Variants in NALCN observed in about 807,000 individuals in gnomAD.
The protein encoded by NALCN is sodium leak channel, non-selective.
Under a neutral mutation model 225.3 loss-of-function variants are expected in NALCN, and 111 were observed. The observed-to-expected ratio is 0.49, with a 90% CI of 0.42 to 0.58. NALCN has a LOEUF of 0.58. Among genes scored for constraint, NALCN ranks in the 20% least tolerant of loss-of-function variants. The pLI is 0.00. For synonymous variants in NALCN, 764 were observed against 769.0 expected (o/e 0.99, Z 0.11); for missense variants, 1,378 against 2,202.4 (o/e 0.63, Z 7.49).
At position 101,300,022 on chromosome 13, in the gene NALCN, A is replaced by T. The variant is rs566411693; in HGVS notation, c.800-7656T>A. Among the ~76,000 whole-genome samples, 5 of 130,204 alleles carry T rather than the reference A, an allele frequency of 3.8e-5. No individual in the cohort carries two copies. The East Asian group carries it at 6.0e-4, about 16-fold the overall frequency. The allele number at this position is 130,204 out of a possible 152,430, so 85.4% of individuals were successfully genotyped here. A position where few individuals can be genotyped will look rare whatever the true frequency, so the allele number is the denominator to read the frequency against. ...TAAATGTATTTAGTGTGACATAATT[A>T]AAAAAAAAAAGCAGCAGCGAGGGGT... On this transcript the variant is annotated intron_variant, in intron 7 of 43. Coordinates refer to ENST00000251127, the MANE Select transcript of NALCN (RefSeq NM_052867.4).
At chr13:101,317,045 A>G (rs2044578048) in intron 7 of NALCN, among the ~76,000 whole-genome samples, 1 of 152,174 alleles carries the variant, frequency 6.6e-6, no homozygotes, top group South Asian at 2.1e-4. Context: ...AGTGTTCAAT[A>G]TATTTTTTTT....
At chr13:101,349,474 G>C (rs145197337) in intron 6 of NALCN, among the ~76,000 whole-genome samples, 1 of 152,230 alleles carries the variant, frequency 6.6e-6, no homozygotes, top group East Asian at 1.9e-4. Flanking sequence ...ATTAAATTTG[G>C]GAGATGATCC....
At chr13:101,063,982 A>G (rs1432224183) in intron 40 of NALCN, among the ~76,000 whole-genome samples, 1 of 152,246 alleles carries the variant, frequency 6.6e-6, no homozygotes, top group Non-Finnish European at 1.5e-5. Context: ...AACCAATTAT[A>G]TTAAAATACA....
intron 27 of NALCN, 30 bp from the exon 28 acceptor site, chr13:101,095,710 AACCTGGTC>A (rs770558710): frequency 3.9e-6 from 6 of 1,537,524 alleles, no homozygotes; most frequent in South Asian, 3.5e-5. Context: ...GGAGAGGGGA[AACCTGGTC>A]AGAAAATGAA....
chr13:101,210,038 A>T (rs1262850705), intron 13 of NALCN, among the ~76,000 whole-genome samples: 1 of 152,220 alleles, frequency 6.6e-6, no homozygotes, highest in Non-Finnish European at 1.5e-5. Context: ...GCAATACTGC[A>T]GACCTCCATC....
chr13:101,167,959 T>G (rs942406145), intron 15 of NALCN, among the ~76,000 whole-genome samples: 2 of 152,226 alleles, frequency 1.3e-5, no homozygotes, highest in Admixed American at 1.3e-4. Context: ...TTTGCCTCCT[T>G]GGCTAAGTTT....
intron 30 of NALCN, among the ~76,000 whole-genome samples, chr13:101,086,975 T>TA (rs574625146): frequency 3.0e-4 from 45 of 151,980 alleles, no homozygotes; most frequent in Non-Finnish European, 5.3e-4. Context: ...TTGTTATACA[T>TA]AAAAAAAATT....
Position 101,376,691 on chromosome 13 carries a change from T to A in NALCN, c.644+9A>T, listed in dbSNP as rs961544979. 1 of 1,587,686 alleles carries A rather than the reference T, an allele frequency of 6.3e-7. No homozygotes were observed. The stretch of plus-strand genomic sequence containing the variant: ...ACTAGATTAAAATGCAGTTAATAGA[T>A]AAACTTACCCTGGCTTTGTGTCATT... On this transcript the variant is annotated intron_variant, in intron 6 of 43. Coordinates refer to ENST00000251127, the MANE Select transcript of NALCN (RefSeq NM_052867.4).
chr13:101,389,292 CT>C (rs1267512333), intron 3 of NALCN, among the ~76,000 whole-genome samples: 1 of 152,134 alleles, frequency 6.6e-6, no homozygotes, highest in Non-Finnish European at 1.5e-5. Context: ...GAAGGTGAAC[CT>C]TAAAATAAAT....
rs1231658792 is a variant in NALCN, at chr13:101,054,623, C to T, written c.*672G>A. 6.6e-6 allele frequency: 1 copy of T among 152,212 alleles called. No individual in the cohort carries two copies. The highest frequency in any genetic ancestry group is 1.9e-4 in the East Asian group (1 of 5,202). The allele number at this position is 152,212 out of a possible 1,614,324, so 9.4% of individuals were successfully genotyped here. A position where few individuals can be genotyped will look rare whatever the true frequency, so the allele number is the denominator to read the frequency against. On this transcript the variant is annotated 3_prime_UTR_variant, in exon 44 of 44. Coordinates refer to ENST00000251127, the MANE Select transcript of NALCN (RefSeq NM_052867.4). ...TAAGCATCCTGAGTCCATTTCTTTGCCTGGTGCTTGCACACACAATTTTCT... is the reference window on the plus strand; with the variant it reads ...TAAGCATCCTGAGTCCATTTCTTTGTCTGGTGCTTGCACACACAATTTTCT...
At chr13:101,239,282 C>T (rs2041674773) in intron 11 of NALCN, among the ~76,000 whole-genome samples, 1 of 151,780 alleles carries the variant, frequency 6.6e-6, no homozygotes, top group African/African-American at 2.4e-5. Context: ...TGTCCTCTGT[C>T]AAGTTCATAC....
chr13:101,289,552 A>G (rs942330996), intron 9 of NALCN, among the ~76,000 whole-genome samples: 4 of 69,302 alleles, frequency 5.8e-5, no homozygotes, highest in South Asian at 7.2e-4. Flanking sequence ...ATATATATAC[A>G]CATATTTTCT....
At chr13:101,309,606 A>G (rs1566559990) in intron 7 of NALCN, among the ~76,000 whole-genome samples, 1 of 152,186 alleles carries the variant, frequency 6.6e-6, no homozygotes, top group Non-Finnish European at 1.5e-5. Flanking sequence ...CTCTAGTGTA[A>G]TGCCTTGTGG....
chr13:101,149,481 G>A (rs918742144), intron 15 of NALCN, among the ~76,000 whole-genome samples: 2 of 152,100 alleles, frequency 1.3e-5, no homozygotes, highest in African/African-American at 4.8e-5. Flanking sequence ...AAGCTTGTAC[G>A]CTCCTTAGGA....
intron 3 of NALCN, among the ~76,000 whole-genome samples, chr13:101,384,371 T>C (rs1417209564): frequency 6.6e-6 from 1 of 152,072 alleles, no homozygotes; most frequent in African/African-American, 2.4e-5. Flanking sequence ...TCAATTTTTA[T>C]AACGGTAAAC....
At chr13:101,212,147 T>G (rs1196244876) in intron 13 of NALCN, among the ~76,000 whole-genome samples, 1 of 152,136 alleles carries the variant, frequency 6.6e-6, no homozygotes, top group Non-Finnish European at 1.5e-5. Context: ...ATTTACTCAT[T>G]TGGTTTTTCT....
chr13:101,176,764 T>C (rs560395004), intron 14 of NALCN, among the ~76,000 whole-genome samples: 2 of 152,334 alleles, frequency 1.3e-5, no homozygotes, highest in Admixed American at 6.5e-5. Context: ...AGAAATAACA[T>C]CCAACTTTGC....
intron 13 of NALCN, among the ~76,000 whole-genome samples, chr13:101,225,568 A>T (rs1290287835): frequency 1.3e-5 from 2 of 152,224 alleles, no homozygotes; most frequent in South Asian, 4.1e-4. Flanking sequence ...CCAAAGCCTT[A>T]TAAGAGTCGA....
rs541600613 is a variant in NALCN, at chr13:101,294,943, C to T, written c.800-2577G>A. Among the ~76,000 whole-genome samples the T allele has an allele frequency of 7.9e-5, 12 of 152,108 alleles. No individual in the cohort carries two copies. In the South Asian group the frequency reaches 1.2e-3, roughly 16 times the overall value. On this transcript the variant is annotated intron_variant, in intron 7 of 43. Coordinates refer to ENST00000251127, the MANE Select transcript of NALCN (RefSeq NM_052867.4). ...TTACAAACAATCCATAGAAACAGGA[C>T]GTGAAGCTAGACAACCGGTTACAAC... is the stretch of plus-strand genomic sequence containing the variant.
Sources: allele counts gnomAD v4.1 joint callset (sites outside exome capture counted in the v4.1 genomes callset), GRCh38; gene constraint gnomAD v4.1.1; transcripts MANE v1.5; gene names NCBI Gene and HGNC (gene_info 2026-07-23, HGNC 2026-07-21).